MTOR: variants seen among roughly 807,000 people sequenced by gnomAD.
The protein encoded by MTOR is mechanistic target of rapamycin kinase.
MTOR carries 70 observed loss-of-function variants against 319.8 expected under a neutral mutation model. The ratio of observed to expected loss-of-function variants is 0.22; its 90% CI spans 0.18 to 0.27. The LOEUF (loss-of-function observed/expected upper bound fraction) is 0.27, where lower values mean the gene tolerates loss of function less well. MTOR is among the 10% of genes least tolerant of loss of function. The pLI is 1.00. For synonymous variants in MTOR, 1,183 were observed against 1,211.4 expected (o/e 0.98, Z 0.49); for missense variants, 1,890 against 3,274.4 (o/e 0.58, Z 10.32).
In MTOR at chr1:11,144,696, G is replaced by A. The variant is rs2100506212; in HGVS notation, c.4824C>T (p.Val1608=). The change falls in exon 34 of 58, where the codon GTC becomes GTT. Residue 1608 remains valine (V), a synonymous_variant. Transcript: ENST00000361445. ...ELEEVIQYKL[V]PERREIIRQI... is the part of the protein sequence containing the mutation. ...GGCGGATGATCTCTCGTCGCTCGGG[G>A]ACAAGTTTGTACTGGATAACCTCCT... 4 of 1,614,060 alleles carry A rather than the reference G, an allele frequency of 2.5e-6. No homozygotes were observed. Among genetic ancestry groups the A allele is most frequent in the East Asian group, 2.2e-5 (1 of 44,874 alleles).
rs1647117277 is a variant in MTOR, at chr1:11,234,177, C to T, written c.2297G>A (p.Arg766Gln). The stretch of plus-strand genomic sequence containing the variant: ...AGGCTCCATGTAGGGGCGGATGAGT[C>T]GGGGGGCATTGGAGACCAGGTGCCC... Reference protein sequence around the residue: ...MLGHLVSNAPRLIRPYMEPIL... With the variant: ...MLGHLVSNAPQLIRPYMEPIL... Residue 766 changes from arginine to glutamine, a missense_variant, in exon 14 of 58, where the codon CGA becomes CAA. By Grantham distance (43) the Arg-to-Gln change is conservative (BLOSUM62 1). Transcript: ENST00000361445. The T allele has an allele frequency of 1.9e-6, 3 of 1,614,048 alleles. No homozygotes were observed. Among genetic ancestry groups the T allele is most frequent in the Non-Finnish European group, 2.5e-6 (3 of 1,180,012 alleles).
intron 5 of MTOR, among the ~76,000 whole-genome samples, chr1:11,255,060 G>T (rs1300531697): frequency 6.6e-6 from 1 of 152,138 alleles, no homozygotes; most frequent in Non-Finnish European, 1.5e-5. Flanking sequence ...ATCCAGCTGA[G>T]ATGTCTTATA....
In MTOR at chr1:11,210,769, G is replaced by T. The variant is rs757485920; in HGVS notation, c.3654+45C>A. 4 of 1,395,666 alleles carry T rather than the reference G, an allele frequency of 2.9e-6. No individual in the cohort carries two copies. The African/African-American group carries it at 4.3e-5, about 15-fold the overall frequency. The allele number at this position is 1,395,666 out of a possible 1,614,324, so 86.5% of individuals were successfully genotyped here. On this transcript the variant is annotated intron_variant, in intron 24 of 57. Coordinates refer to ENST00000361445, the MANE Select transcript of MTOR (RefSeq NM_004958.4). ...GCCAAGATTACAAGAATATCAAGTA[G>T]TAAAGACAACAGGGACTTCAGAACA...
chr1:11,150,106 G>T lies in MTOR; in HGVS notation c.4570+20C>A, dbSNP rs372919070. The T allele has an allele frequency of 1.3e-6, 2 of 1,597,892 alleles. No homozygotes were observed. Among genetic ancestry groups the T allele is most frequent in the African/African-American group, 2.7e-5 (2 of 74,708 alleles). On this transcript the variant is annotated intron_variant, in intron 31 of 57. Coordinates refer to ENST00000361445, the MANE Select transcript of MTOR (RefSeq NM_004958.4). ...TCACTCACCCCATCCTTCACAGGGT[G>T]CCTGTGAGGGAAGCTTTACCTAAAC... is the stretch of plus-strand genomic sequence containing the variant.
At chr1:11,148,954 C>T (rs1042516880) in intron 31 of MTOR, among the ~76,000 whole-genome samples, 3 of 151,054 alleles carry the variant, frequency 2.0e-5, no homozygotes, top group Non-Finnish European at 2.9e-5. Context: ...TTGGTAGAGA[C>T]GGAGTGTCAC....
At chr1:11,130,448 CT>C in intron 39 of MTOR, 80 bp downstream of exon 39, 1 of 1,559,942 alleles carries the variant, frequency 6.4e-7, no homozygotes. Flanking sequence ...CCTCAGGTTC[CT>C]TTTAAGCTTA....
rs1642998122 is a variant in MTOR at position 11,129,249 on chromosome 1, T to C, written c.5715-298A>G. The stretch of plus-strand genomic sequence containing the variant: ...GATAACCTTTAGAAAGCCACAAGTC[T>C]GCACATGTAAGAGTCGCTGTACGGC... On this transcript the variant is annotated intron_variant, in intron 40 of 57. Transcript: ENST00000361445. This position sits in a 1 kb window ranked among gnomAD's most constrained non-coding sequence, Gnocchi z 4.7. Among the ~76,000 whole-genome samples the C allele has an allele frequency of 6.6e-6, 1 of 152,222 alleles. No individual in the cohort carries two copies. Among genetic ancestry groups the C allele is most frequent in the South Asian group, 2.1e-4 (1 of 4,830 alleles).
At chr1:11,254,376 G>A (rs894615949) in intron 5 of MTOR, among the ~76,000 whole-genome samples, 2 of 152,128 alleles carry the variant, frequency 1.3e-5, no homozygotes, top group African/African-American at 4.8e-5. Flanking sequence ...CTGACCTCAA[G>A]TGATCCACCC....
rs561835374 is a variant in MTOR at position 11,164,897 on chromosome 1, A to C, written c.4329+2545T>G. On this transcript the variant is annotated intron_variant, in intron 29 of 57. Coordinates refer to ENST00000361445, the MANE Select transcript of MTOR (RefSeq NM_004958.4). ...CCAGCAGCACATCAAAAAGCTTATC[A>C]ACCATGATCAAGTGGGCTTCATCCC... Among the ~76,000 whole-genome samples, 91 of 152,282 alleles carry C rather than the reference A, an allele frequency of 6.0e-4. No individual in the cohort carries two copies. In the South Asian group the frequency reaches 6.0e-3, roughly 10 times the overall value.
intron 25 of MTOR, among the ~76,000 whole-genome samples, chr1:11,207,868 G>T (rs1646190064): frequency 6.6e-6 from 1 of 152,054 alleles, no homozygotes; most frequent in South Asian, 2.1e-4. Context: ...TTTTGAACTT[G>T]ATCTACTTTC....
intron 39 of MTOR, 144 bp downstream of exon 39, chr1:11,130,385 C>T: frequency 7.6e-7 from 1 of 1,317,016 alleles, no homozygotes; most frequent in Non-Finnish European, 1.0e-6. Flanking sequence ...TCAGGCAGTG[C>T]TGGATGGTAG....
chr1:11,108,113 G>A, intron 57 of MTOR, 68 bp downstream of exon 57: 1 of 1,279,076 alleles, frequency 7.8e-7, no homozygotes, highest in African/African-American at 1.5e-5. Flanking sequence ...TTGCTACTCT[G>A]GCTTTGGGGC....
At chr1:11,181,692 A>C (rs2100668447) in intron 28 of MTOR, among the ~76,000 whole-genome samples, 1 of 152,350 alleles carries the variant, frequency 6.6e-6, no homozygotes, top group South Asian at 2.1e-4. Context: ...CACCACAGTA[A>C]AACACTGGAA....
chr1:11,174,515 T>C (rs1322786322), intron 28 of MTOR, among the ~76,000 whole-genome samples: 1 of 152,198 alleles, frequency 6.6e-6, no homozygotes, highest in East Asian at 1.9e-4. Flanking sequence ...GCCAGGCTTA[T>C]AGTTCAGGCT....
intron 30 of MTOR, among the ~76,000 whole-genome samples, chr1:11,151,610 T>C (rs974364558): frequency 1.3e-5 from 2 of 152,114 alleles, no homozygotes; most frequent in Non-Finnish European, 2.9e-5. Context: ...TGTGCATTTG[T>C]AACAAGTTTC....
intron 28 of MTOR, among the ~76,000 whole-genome samples, chr1:11,190,767 TTGTAAGGA>T (rs1645496685): frequency 6.6e-6 from 1 of 152,168 alleles, no homozygotes; most frequent in African/African-American, 2.4e-5. Flanking sequence ...AAAATATTAG[TTGTAAGGA>T]GCATATCCTA....
intron 25 of MTOR, among the ~76,000 whole-genome samples, chr1:11,207,848 C>G (rs1646189181): frequency 6.6e-6 from 1 of 152,062 alleles, no homozygotes; most frequent in Non-Finnish European, 1.5e-5. Flanking sequence ...GTGGAGGATT[C>G]TGTCTAGAGT....
At chr1:11,241,114 G>C (rs761666318) in intron 10 of MTOR, among the ~76,000 whole-genome samples, 2 of 151,814 alleles carry the variant, frequency 1.3e-5, no homozygotes, top group Non-Finnish European at 2.9e-5. Flanking sequence ...AAGGTCAGGA[G>C]ATCGAGACCA....
At chr1:11,148,959 T>A (rs1644043802) in intron 31 of MTOR, among the ~76,000 whole-genome samples, 1 of 151,410 alleles carries the variant, frequency 6.6e-6, no homozygotes, top group Admixed American at 6.6e-5. Flanking sequence ...AGAGACGGAG[T>A]GTCACTATGT....
Sources: allele counts gnomAD v4.1 joint callset (sites outside exome capture counted in the v4.1 genomes callset), GRCh38; gene constraint gnomAD v4.1.1; non-coding constraint Gnocchi (gnomAD v3.1); transcripts MANE v1.5; gene names NCBI Gene and HGNC (gene_info 2026-07-23, HGNC 2026-07-21).